The following SFI1 variants were observed in gnomAD, a reference collection of about 807,000 sequenced individuals.
SFI1 encodes the protein SFI1 centrin binding protein, also known as protein SFI1 homolog.
In SFI1, 195 loss-of-function variants were observed where a neutral mutation model predicts 207.5. That is an observed-to-expected ratio of 0.94 (90% CI 0.84 to 1.06). The LOEUF is 1.06. SFI1 is among the 50% of genes least tolerant of loss of function. The pLI, the probability that SFI1 is intolerant of heterozygous loss-of-function variation, is 0.00. For synonymous variants in SFI1, 630 were observed against 598.9 expected (o/e 1.05, Z -0.76); for missense variants, 1,634 against 1,588.0 (o/e 1.03, Z -0.49).
At chr22:31,573,006 C>T in intron 8 of SFI1, 52 bp from the exon 9 acceptor site, 1 of 1,588,894 alleles carries the variant, frequency 6.3e-7, no homozygotes, top group Non-Finnish European at 8.6e-7. Context: ...ACCTGTACTT[C>T]ACCCTGTTTT....
intron 4 of SFI1, among the ~76,000 whole-genome samples, chr22:31,531,511 G>A (rs1274816155): frequency 6.6e-6 from 1 of 152,212 alleles, no homozygotes; most frequent in Non-Finnish European, 1.5e-5. Flanking sequence ...TGTAAACCCA[G>A]CACTTTGGGA....
intron 15 of SFI1, among the ~76,000 whole-genome samples, chr22:31,594,748 A>T (rs1348106748): frequency 7.1e-6 from 1 of 140,204 alleles, no homozygotes. Flanking sequence ...CCAGCTACTC[A>T]GGAGGCTGAG....
chr22:31,530,171 CAAAAAAAA>C (rs1162482504), intron 3 of SFI1, among the ~76,000 whole-genome samples: 29 of 12,100 alleles, frequency 2.4e-3, no homozygotes, highest in African/African-American at 7.6e-3. Flanking sequence ...GACTCCATCT[CAAAAAAAA>C]AAAAAAAAAA....
intron 8 of SFI1, among the ~76,000 whole-genome samples, chr22:31,567,081 A>AT (rs2062392597): frequency 1.3e-5 from 2 of 151,816 alleles, no homozygotes; most frequent in Admixed American, 1.3e-4. Context: ...AATTTTTTGT[A>AT]TTTTTAGTAG....
intron 12 of SFI1, among the ~76,000 whole-genome samples, chr22:31,580,645 C>A: frequency 6.7e-6 from 1 of 150,040 alleles, no homozygotes; most frequent in East Asian, 2.0e-4. Flanking sequence ...CGGGTTCAAG[C>A]AATTCTCCTG....
chr22:31,542,117 A>AAG lies in SFI1; in HGVS notation c.339-4743_339-4742insGA, dbSNP rs1399934909. ...CCCCGTCTTTAAAAAAAAAAAAAAAAAAAGAAATGTACAGTTTAGGAGCCA... is the reference window on the plus strand; with the variant it reads ...CCCCGTCTTTAAAAAAAAAAAAAAAAAGAAAGAAATGTACAGTTTAGGAGCCA... On this transcript the variant is annotated intron_variant, in intron 4 of 32. Coordinates refer to ENST00000400288, the MANE Select transcript of SFI1 (RefSeq NM_001007467.3). Among the ~76,000 whole-genome samples, 20 of 150,352 alleles carry AAG rather than the reference A, an allele frequency of 1.3e-4. No homozygotes were observed. The East Asian group carries it at 2.0e-3, about 15-fold the overall frequency.
At chr22:31,569,980 G>C (rs1269139841) in intron 8 of SFI1, among the ~76,000 whole-genome samples, 1 of 151,496 alleles carries the variant, frequency 6.6e-6, no homozygotes, top group Non-Finnish European at 1.5e-5. Context: ...AGCTGGGCAT[G>C]GTGGTGCATG....
In SFI1 at chr22:31,575,370, C is replaced by T. The variant is rs374240520; in HGVS notation, c.1062C>T (p.Arg354=). The T allele has an allele frequency of 8.9e-5, 144 of 1,609,990 alleles. No homozygotes were observed. The highest frequency in any genetic ancestry group is 5.5e-4 in the African/African-American group (41 of 74,902). The change falls in exon 10 of 33, where the codon CGC becomes CGT. Residue 354 remains arginine, a synonymous_variant. Transcript: ENST00000400288. ...EKLARKMALR[R]AFTHWKHYML... The stretch of plus-strand genomic sequence containing the variant: ...TGGCCAGGAAGATGGCCCTGCGGCG[C>T]GCCTTTACTCACTGGAAACACTGTA...
At chr22:31,617,141 G>A (rs914011663) in intron 31 of SFI1, 63 bp downstream of exon 31, 2 of 1,563,132 alleles carry the variant, frequency 1.3e-6, no homozygotes, top group Admixed American at 3.4e-5. Flanking sequence ...GGAGAGGTGG[G>A]CAGGCAGTTC....
chr22:31,589,645 C>G (rs2065551956), intron 15 of SFI1, 68 bp downstream of exon 15: 1 of 1,509,872 alleles, frequency 6.6e-7, no homozygotes, highest in Non-Finnish European at 8.9e-7. Context: ...ACCACACAGC[C>G]CATTTGCTGT....
chr22:31,575,637 GA>G, intron 10 of SFI1, among the ~76,000 whole-genome samples: 1 of 152,078 alleles, frequency 6.6e-6, no homozygotes, highest in East Asian at 1.9e-4. Flanking sequence ...TTTCAAAATA[GA>G]ACCTTCCTAG....
intron 5 of SFI1, among the ~76,000 whole-genome samples, chr22:31,549,516 T>C (rs1038298122): frequency 2.4e-4 from 37 of 151,768 alleles, no homozygotes; most frequent in African/African-American, 8.5e-4. Context: ...AGGCACATGC[T>C]ACTACGAGTG....
chr22:31,514,789 T>C (rs2056243556), intron 2 of SFI1, among the ~76,000 whole-genome samples: 1 of 151,782 alleles, frequency 6.6e-6, no homozygotes, highest in Non-Finnish European at 1.5e-5. Context: ...TTTTTTTTTT[T>C]TGAGACGGAG....
At position 31,554,211 on chromosome 22, in the gene SFI1, T is replaced by A. The variant is rs572241197; in HGVS notation, c.545-2731T>A. Among the ~76,000 whole-genome samples the A allele has an allele frequency of 2.6e-5, 4 of 152,330 alleles. No individual in the cohort carries two copies. The South Asian group carries it at 8.3e-4, about 32-fold the overall frequency. ...TGCCTTAACCCAGGGTCACAAAGAT[T>A]TCCTCTTATGTTTTCTCCTAAACAT... On this transcript the variant is annotated intron_variant, in intron 6 of 32. Transcript: ENST00000400288.
chr22:31,519,309 C>T (rs993265313), intron 2 of SFI1, among the ~76,000 whole-genome samples: 62 of 148,360 alleles, frequency 4.2e-4, no homozygotes, highest in African/African-American at 1.4e-3. Flanking sequence ...CTTGCTCTGT[C>T]GCTCAGGCTG....
chr22:31,593,122 G>C (rs1286144027), intron 15 of SFI1, among the ~76,000 whole-genome samples: 4 of 144,432 alleles, frequency 2.8e-5, no homozygotes, highest in Non-Finnish European at 4.6e-5. Flanking sequence ...GCGGCTGGCC[G>C]GGCGGGGGGC....
intron 22 of SFI1, among the ~76,000 whole-genome samples, chr22:31,609,844 C>A (rs889911238): frequency 6.6e-6 from 1 of 152,244 alleles, no homozygotes; most frequent in South Asian, 2.1e-4. Flanking sequence ...GGCACCTGAC[C>A]GTGCAGCTTC....
chr22:31,505,426 G>A (rs956712585), intron 1 of SFI1, among the ~76,000 whole-genome samples: 4 of 150,330 alleles, frequency 2.7e-5, no homozygotes, highest in Non-Finnish European at 5.9e-5. Context: ...GCAACAGAGC[G>A]AGACTGTCTC....
intron 15 of SFI1, among the ~76,000 whole-genome samples, chr22:31,594,854 CAAAAAAAAA>C (rs67157514): frequency 1.2e-4 from 9 of 76,778 alleles, no homozygotes; most frequent in African/African-American, 2.2e-4. Flanking sequence ...GACTCTGTCT[CAAAAAAAAA>C]AAAAAAAAAA....
Sources: allele counts gnomAD v4.1 joint callset (sites outside exome capture counted in the v4.1 genomes callset), GRCh38; gene constraint gnomAD v4.1.1; transcripts MANE v1.5; gene names NCBI Gene and HGNC (gene_info 2026-07-23, HGNC 2026-07-21).